USP20: variants seen among roughly 807,000 people sequenced by gnomAD.
The protein encoded by USP20 is ubiquitin specific peptidase 20.
USP20 carries 80 observed loss-of-function variants against 124.2 expected under a neutral mutation model. The observed-to-expected ratio is 0.64, with a 90% CI of 0.54 to 0.78. The LOEUF (loss-of-function observed/expected upper bound fraction) is 0.78, where lower values mean the gene tolerates loss of function less well. Ranked by LOEUF, USP20 falls within the 30% of genes least tolerant of loss-of-function variation. USP20 has a pLI of 0.00. For synonymous variants in USP20, 481 were observed against 512.3 expected (o/e 0.94, Z 0.83); for missense variants, 1,043 against 1,244.4 (o/e 0.84, Z 2.44).
At chr9:129,858,994 A>G (rs1474746336) in intron 6 of USP20, among the ~76,000 whole-genome samples, 3 of 152,052 alleles carry the variant, frequency 2.0e-5, no homozygotes, top group Non-Finnish European at 4.4e-5. Flanking sequence ...AACCATTCCT[A>G]AGGGAATTCC....
rs757260257 is a variant in USP20, at chr9:129,860,995, G to A, written c.389G>A (p.Gly130Glu). ...GTTCCTATTGCTGTGGCTGATGAAG[G>A]AGAGTCTGAGTCAGAGGACGATGAC... Reference protein sequence around the residue: ...KAVPIAVADEGESESEDDDLK... With the variant: ...KAVPIAVADEEESESEDDDLK... Residue 130 changes from glycine to glutamate, a missense_variant, in exon 7 of 26, where the codon GGA (glycine) becomes GAA (glutamate). Gly to Glu is a moderately conservative substitution (Grantham distance 98, BLOSUM62 -2). Transcript: ENST00000372429. 6 of 1,614,054 alleles carry A rather than the reference G, an allele frequency of 3.7e-6. No homozygotes were observed. The Admixed American group carries it at 5.0e-5, about 13-fold the overall frequency.
In USP20 at chr9:129,879,290, G is replaced by T; in HGVS notation, c.2513-283G>T. The stretch of plus-strand genomic sequence containing the variant: ...TGAGATAGCTGGGCAGAGGGGAAGG[G>T]GCGTGGTGAGCGGCAGCTGCCAGCA... On this transcript the variant is annotated intron_variant, in intron 23 of 25. Transcript: ENST00000372429. The surrounding 1 kb of genome is among the most constrained non-coding windows in gnomAD (Gnocchi z 4.2). The T allele has an allele frequency of 2.2e-6, 1 of 447,394 alleles. No homozygotes were observed. Among genetic ancestry groups the T allele is most frequent in the Non-Finnish European group, 4.0e-6 (1 of 249,280 alleles). 27.7% of individuals were successfully genotyped at this position (447,394 alleles called of 1,614,324 possible). A position where few individuals can be genotyped will look rare whatever the true frequency, so the allele number is the denominator to read the frequency against.
rs1300943300 is a variant in USP20, at chr9:129,879,339, C to T, written c.2513-234C>T. ...CAGAGATAAGGGCATGGGCCATCCA[C>T]CGCAGCTCCTGCGGCCAGCACAGAG... On this transcript the variant is annotated intron_variant, in intron 23 of 25. Coordinates refer to ENST00000372429, the MANE Select transcript of USP20 (RefSeq NM_001110303.4). This position sits in a 1 kb window ranked among gnomAD's most constrained non-coding sequence, Gnocchi z 4.2. 5 of 538,790 alleles carry T rather than the reference C, an allele frequency of 9.3e-6. No homozygotes were observed. In the South Asian group the frequency reaches 1.2e-4, roughly 13 times the overall value. The allele number at this position is 538,790 out of a possible 1,614,324, so 33.4% of individuals were successfully genotyped here.
intron 3 of USP20, 23 bp downstream of exon 3, chr9:129,852,659 G>A (rs948425299): frequency 6.4e-7 from 1 of 1,566,084 alleles, no homozygotes; most frequent in African/African-American, 1.4e-5. Context: ...ACCTTACGGG[G>A]CCAGGGCCCA....
rs191445558 is a variant in USP20, at chr9:129,869,383, C to T, written c.1350C>T (p.Asp450=). ...RYRSVISDIF[D]GSILSLVQCL... is the part of the protein sequence containing the mutation. ...GCAGCGTCATCTCAGACATCTTTGA[C>T]GGCTCCATTCTCAGCCTTGTGCAGT... The change falls in exon 13 of 26, where the codon GAC becomes GAT. Residue 450 remains aspartate (D), a synonymous_variant. Transcript: ENST00000372429. 9.8e-5 allele frequency: 158 copies of T among 1,613,730 alleles called. No homozygotes were observed. The highest frequency in any genetic ancestry group is 5.8e-4 in the Admixed American group (35 of 60,032).
rs2034566497 is a variant in USP20 at position 129,879,868 on chromosome 9, C to T, written c.2584+224C>T. Among the ~76,000 whole-genome samples the T allele has an allele frequency of 6.6e-6, 1 of 152,108 alleles. No homozygotes were observed. The highest frequency in any genetic ancestry group is 1.5e-5 in the Non-Finnish European group (1 of 68,012). On this transcript the variant is annotated intron_variant, in intron 24 of 25. Transcript: ENST00000372429. This position sits in a 1 kb window ranked among gnomAD's most constrained non-coding sequence, Gnocchi z 4.2. ...TCTGCCTGCTGCTGGCCTTGCCCAC[C>T]CTGCTGTTTATGTCAGCCCCACCCC...
At chr9:129,868,682 C>A (rs770583173) in intron 11 of USP20, among the ~76,000 whole-genome samples, 180 bp from the exon 12 acceptor site, 1 of 152,132 alleles carries the variant, frequency 6.6e-6, no homozygotes, top group South Asian at 2.1e-4. Flanking sequence ...TCCAGCCGGA[C>A]ATGGATTGGA....
chr9:129,850,310 G>A (rs533288181), intron 2 of USP20, among the ~76,000 whole-genome samples: 351 of 152,164 alleles, frequency 2.3e-3, no homozygotes, highest in Middle Eastern at 6.8e-3. Flanking sequence ...GCAACTGAGC[G>A]GGCCCTTAGG....
chr9:129,872,005 C>T lies in USP20; in HGVS notation c.1660+1458C>T, dbSNP rs55889663. Among the ~76,000 whole-genome samples, 1,054 of 151,886 alleles carry T rather than the reference C, an allele frequency of 6.9e-3. 1 individual carries two copies. The highest frequency in any genetic ancestry group is 0.024 in the Middle Eastern group (7 of 286). Reference sequence around the variant, plus strand: ...TGCTGGGATTACCGGCGTGAGCCACCGCACCCAGCCTCGTTGTGGTTTTGA... The same window carrying T: ...TGCTGGGATTACCGGCGTGAGCCACTGCACCCAGCCTCGTTGTGGTTTTGA... On this transcript the variant is annotated intron_variant, in intron 15 of 25. Coordinates refer to ENST00000372429, the MANE Select transcript of USP20 (RefSeq NM_001110303.4).
At position 129,866,843 on chromosome 9, in the gene USP20, G is replaced by C. The variant is rs559802981; in HGVS notation, c.691-1162G>C. 7.2e-5 allele frequency among the ~76,000 whole-genome samples: 11 copies of C among 152,332 alleles called. No individual in the cohort carries two copies. The South Asian group carries it at 1.7e-3, about 23-fold the overall frequency. Reference sequence around the variant, plus strand: ...AAGAGAAGTAGATGGCAGATTGAAAGCCTCTTCTTGAAAGGGCCTTTGATC... The same window carrying C: ...AAGAGAAGTAGATGGCAGATTGAAACCCTCTTCTTGAAAGGGCCTTTGATC... On this transcript the variant is annotated intron_variant, in intron 10 of 25. Transcript: ENST00000372429.
intron 8 of USP20, 134 bp from the exon 9 acceptor site, chr9:129,863,052 C>A: frequency 1.9e-6 from 1 of 529,940 alleles, no homozygotes; most frequent in South Asian, 5.0e-5. Context: ...TTCTAGTCAC[C>A]TTCAGGAGTT....
chr9:129,869,067 C>G, intron 12 of USP20, 65 bp downstream of exon 12: 1 of 1,519,972 alleles, frequency 6.6e-7, no homozygotes, highest in Middle Eastern at 1.8e-4. Flanking sequence ...CCGTAGCTGC[C>G]TTTCTCATGG....
At chr9:129,851,969 A>G (rs72755283) in intron 2 of USP20, among the ~76,000 whole-genome samples, 22,629 of 152,118 alleles carry the variant, frequency 0.15, 2,235 homozygotes, top group African/African-American at 0.27. Flanking sequence ...GCCTGCTCCC[A>G]TGGTGGTCTG....
chr9:129,872,073 T>A (rs993549689), intron 15 of USP20, among the ~76,000 whole-genome samples: 7 of 152,236 alleles, frequency 4.6e-5, no homozygotes, highest in Admixed American at 1.3e-4. Context: ...TCTTTTCATA[T>A]GCTTGTTGGC....
intron 4 of USP20, 38 bp from the exon 5 acceptor site, chr9:129,858,012 G>T: frequency 6.3e-7 from 1 of 1,588,048 alleles, no homozygotes; most frequent in South Asian, 1.1e-5. Context: ...CCATCCTTTT[G>T]GCAAGCTCCA....
At chr9:129,844,623 CAA>C (rs1191781066) in intron 1 of USP20, among the ~76,000 whole-genome samples, 74 of 72,404 alleles carry the variant, frequency 1.0e-3, no homozygotes, top group East Asian at 3.5e-3. Context: ...GACTCTGTCT[CAA>C]AAAAAAAAAA....
chr9:129,837,302 C>G (rs1483520389), intron 1 of USP20, among the ~76,000 whole-genome samples: 2 of 151,958 alleles, frequency 1.3e-5, no homozygotes, highest in African/African-American at 2.4e-5. Flanking sequence ...AGGTCTTAGT[C>G]TTGTTTGGGA....
chr9:129,880,016 G>C, intron 24 of USP20, 97 bp from the exon 25 acceptor site: 1 of 1,470,492 alleles, frequency 6.8e-7, no homozygotes, highest in Non-Finnish European at 9.2e-7. Flanking sequence ...CCGTCTTCCC[G>C]CTTCGGGGCC....
intron 1 of USP20, among the ~76,000 whole-genome samples, chr9:129,847,704 T>G (rs1168727455): frequency 6.6e-6 from 1 of 152,154 alleles, no homozygotes; most frequent in Non-Finnish European, 1.5e-5. Context: ...TTGACAGGTG[T>G]ATACACTTGA....
Sources: gnomAD v4.1 joint callset for allele counts (sites outside exome capture counted in the v4.1 genomes callset) on GRCh38, gnomAD v4.1.1 for gene constraint, Gnocchi (gnomAD v3.1) non-coding constraint, MANE v1.5 for transcripts, NCBI Gene and HGNC (gene_info 2026-07-23, HGNC 2026-07-21) for gene names.